RIDA: variants seen among roughly 807,000 people sequenced by gnomAD.
RIDA encodes the protein reactive intermediate imine deaminase A.
In RIDA, 17 loss-of-function variants were observed where a neutral mutation model predicts 17.8. The observed-to-expected ratio is 0.96, with a 90% CI of 0.65 to 1.43. The LOEUF (loss-of-function observed/expected upper bound fraction) is 1.43. Among genes scored for constraint, RIDA ranks in the 40% most tolerant of loss-of-function variants. RIDA has a pLI of 0.00. For missense variants in RIDA, 158 were observed against 161.7 expected, an observed-to-expected ratio of 0.98 and a Z score of 0.12; for synonymous variants, 48 against 55.7, an observed-to-expected ratio of 0.86 and a Z score of 0.62.
In RIDA at chr8:98,114,569, T is replaced by C. The variant is rs372229439; in HGVS notation, c.65+2463A>G. Among the ~76,000 whole-genome samples, 83 of 151,936 alleles carry C rather than the reference T, an allele frequency of 5.5e-4. 1 individual carries two copies. The South Asian group carries it at 0.016, about 30-fold the overall frequency. On this transcript the variant is annotated intron_variant, in intron 1 of 5. Coordinates refer to ENST00000254878, the MANE Select transcript of RIDA (RefSeq NM_005836.3). Reference sequence around the variant, plus strand: ...CAGGCTGGTCTTGAACTCCTGAGCTTGTGATCCACCTGCCTCGGCCTCCCA... The same window carrying C: ...CAGGCTGGTCTTGAACTCCTGAGCTCGTGATCCACCTGCCTCGGCCTCCCA...
At chr8:98,103,980 T>C (rs961892243) in intron 5 of RIDA, among the ~76,000 whole-genome samples, 4 of 152,120 alleles carry the variant, frequency 2.6e-5, no homozygotes, top group African/African-American at 9.7e-5. Context: ...TCTATGTTCA[T>C]GTGCTGTCTT....
chr8:98,113,587 T>C (rs1461518147), intron 1 of RIDA: 1 of 152,212 alleles, frequency 6.6e-6, no homozygotes, highest in African/African-American at 2.4e-5. Flanking sequence ...CATATGATGA[T>C]TCCCCTCTTT....
intron 1 of RIDA, among the ~76,000 whole-genome samples, chr8:98,111,605 CAAAA>C (rs374861980): frequency 4.0e-5 from 4 of 100,586 alleles, no homozygotes. Flanking sequence ...GACTCTGTGT[CAAAA>C]AAAAAAAAAA....
intron 2 of RIDA, among the ~76,000 whole-genome samples, chr8:98,106,865 A>G (rs1032695200): frequency 2.0e-5 from 3 of 152,184 alleles, no homozygotes; most frequent in African/African-American, 4.8e-5. Context: ...TTTTAAAATA[A>G]TCTTCTAAAT....
Position 98,117,114 on chromosome 8 carries a change from TGCA to T in RIDA, c.-21_-19del, listed in dbSNP as rs762374875. The T allele has an allele frequency of 1.2e-6, 2 of 1,613,422 alleles. No individual in the cohort carries two copies. Among genetic ancestry groups the T allele is most frequent in the Non-Finnish European group, 1.7e-6 (2 of 1,179,334 alleles). ...GACGACATGGCTAAGCCTTCCCTCT[TGCA>T]GCCCCTTCAGGAGAAGAAGCCCCAG... On this transcript the variant is annotated 5_prime_UTR_variant, in exon 1 of 6. Coordinates refer to ENST00000254878, the MANE Select transcript of RIDA (RefSeq NM_005836.3).
chr8:98,107,028 T>A (rs1233126977), intron 2 of RIDA, among the ~76,000 whole-genome samples: 1 of 152,228 alleles, frequency 6.6e-6, no homozygotes, highest in Admixed American at 6.5e-5. Context: ...TTGTATATCC[T>A]TCTAGGTACA....
chr8:98,102,851 T>A lies in RIDA; in HGVS notation c.405A>T (p.Ala135=), dbSNP rs1183363332. The change falls in exon 6 of 6, where the codon GCA becomes GCT. Residue 135 remains alanine, a synonymous_variant. Transcript: ENST00000254878. ...AVAIQGPLTT[A]SL ...ACAGCACTGGGCCCACTTATAGTGA[T>A]GCCGTTGTCAGTGGTCCTTGGATAG... is the stretch of plus-strand genomic sequence containing the variant. 1.2e-6 allele frequency: 2 copies of A among 1,612,338 alleles called. No individual in the cohort carries two copies. The highest frequency in any genetic ancestry group is 2.2e-5 in the East Asian group (1 of 44,854).
chr8:98,106,277 G>C lies in RIDA; in HGVS notation c.221C>G (p.Thr74Ser). 6.2e-7 allele frequency: 1 copy of C among 1,613,594 alleles called. No homozygotes were observed. Among genetic ancestry groups the C allele is most frequent in the Non-Finnish European group, 8.5e-7 (1 of 1,179,652 alleles). ...AATAATATCAAATTGCTCACCGTTAGTGAAGTCACAGCCTGCAGCTTTCAG... is the reference window on the plus strand; with the variant it reads ...AATAATATCAAATTGCTCACCGTTACTGAAGTCACAGCCTGCAGCTTTCAG... ...EILKAAGCDFTNVVKTTVLLA... is the reference protein window; with the variant it reads ...EILKAAGCDFSNVVKTTVLLA... Residue 74 changes from threonine to serine, a missense_variant, in exon 3 of 6, where the codon ACT becomes AGT. Coordinates refer to ENST00000254878, the MANE Select transcript of RIDA (RefSeq NM_005836.3).
chr8:98,108,886 T>G (rs1169428260), intron 1 of RIDA, 135 bp from the exon 2 acceptor site: 1 of 581,136 alleles, frequency 1.7e-6, no homozygotes, highest in African/African-American at 1.9e-5. Flanking sequence ...TCATGAAAAT[T>G]GAAAACTTTT....
At position 98,106,306 on chromosome 8, in the gene RIDA, T is replaced by G; in HGVS notation, c.192A>C (p.Glu64Asp). The G allele has an allele frequency of 6.2e-7, 1 of 1,613,866 alleles. No homozygotes were observed. Among genetic ancestry groups the G allele is most frequent in the Non-Finnish European group, 8.5e-7 (1 of 1,179,850 alleles). The change falls in exon 3 of 6, where the codon GAA (glutamate) becomes GAC (aspartate). Residue 64 changes from glutamate (E) to aspartate (D), a missense_variant. Physicochemically the swap from Glu to Asp is conservative, Grantham distance 45. Transcript: ENST00000254878. Reference protein sequence around the residue: ...EAKQALKNMGEILKAAGCDFT... With the variant: ...EAKQALKNMGDILKAAGCDFT... ...AGTCACAGCCTGCAGCTTTCAGAAT[T>G]TCACCCATGTTTTTAAGAGCCTGTG...
At chr8:98,108,810 A>AG (rs34397714) in intron 1 of RIDA, 59 bp from the exon 2 acceptor site, 443,364 of 1,089,470 alleles carry the variant, frequency 0.41, 93,391 homozygotes, top group East Asian at 0.53. Flanking sequence ...ATTCAATGCT[A>AG]GAAGACTTTT....
intron 1 of RIDA, among the ~76,000 whole-genome samples, chr8:98,111,786 T>TC (rs1277121833): frequency 6.6e-6 from 1 of 152,108 alleles, no homozygotes; most frequent in African/African-American, 2.4e-5. Flanking sequence ...ATCTTTTTTT[T>TC]CCCTTTATAA....
intron 2 of RIDA, among the ~76,000 whole-genome samples, chr8:98,108,096 G>A (rs1328798613): frequency 6.6e-6 from 1 of 150,694 alleles, no homozygotes. Flanking sequence ...TGTATTTTTA[G>A]TAGAGATGGG....
At chr8:98,112,233 G>C (rs971649657) in intron 1 of RIDA, among the ~76,000 whole-genome samples, 9 of 109,894 alleles carry the variant, frequency 8.2e-5, no homozygotes, top group African/African-American at 3.5e-4. Context: ...CTTTCTCTAA[G>C]TAACTAAGCT....
At chr8:98,111,616 AAAAAG>A (rs1201579628) in intron 1 of RIDA, among the ~76,000 whole-genome samples, 4 of 151,962 alleles carry the variant, frequency 2.6e-5, no homozygotes, top group African/African-American at 9.7e-5. Flanking sequence ...AAAAAAAAAA[AAAAAG>A]AAGTGAAATT....
intron 1 of RIDA, among the ~76,000 whole-genome samples, 187 bp from the exon 2 acceptor site, chr8:98,108,938 T>C (rs1815675086): frequency 1.3e-5 from 2 of 151,792 alleles, no homozygotes; most frequent in South Asian, 2.1e-4. Context: ...AGGGGCTGGG[T>C]GCTGTAATCC....
intron 2 of RIDA, among the ~76,000 whole-genome samples, chr8:98,108,207 G>A (rs1429270944): frequency 6.6e-6 from 1 of 152,158 alleles, no homozygotes; most frequent in Admixed American, 6.5e-5. Context: ...GAGCCACATC[G>A]TGCCTGGCCT....
intron 5 of RIDA, 74 bp from the exon 6 acceptor site, chr8:98,102,978 A>G (rs927216858): frequency 3.5e-5 from 35 of 998,894 alleles, no homozygotes; most frequent in African/African-American, 1.6e-4. Flanking sequence ...TACTAAAAAC[A>G]TGCAACCAAC....
chr8:98,108,554 C>T (rs1815666368), intron 2 of RIDA, 92 bp downstream of exon 2: 1 of 815,054 alleles, frequency 1.2e-6, no homozygotes, highest in African/African-American at 1.7e-5. Flanking sequence ...CTGTTAATCT[C>T]TATAAAACAA....
Sources: allele counts gnomAD v4.1 joint callset (sites outside exome capture counted in the v4.1 genomes callset), GRCh38; gene constraint gnomAD v4.1.1; transcripts MANE v1.5; gene names NCBI Gene and HGNC (gene_info 2026-07-23, HGNC 2026-07-21).